The following SCAMP1 variants were observed in gnomAD, a reference collection of about 807,000 sequenced individuals.
SCAMP1 encodes secretory carrier-associated membrane protein 1.
In SCAMP1, 15 loss-of-function variants were observed where a neutral mutation model predicts 41.8. The observed-to-expected ratio is 0.36, with a 90% CI of 0.24 to 0.55. The LOEUF is 0.55. Ranked by LOEUF, SCAMP1 falls within the 20% of genes least tolerant of loss-of-function variation. SCAMP1 has a pLI of 0.86. For synonymous variants in SCAMP1, 135 were observed against 136.8 expected, an observed-to-expected ratio of 0.99 and a Z score of 0.09; for missense variants, 341 against 412.6, an observed-to-expected ratio of 0.83 and a Z score of 1.50.
chr5:78,391,520 C>A, intron 2 of SCAMP1, among the ~76,000 whole-genome samples: 1 of 151,414 alleles, frequency 6.6e-6, no homozygotes, highest in East Asian at 2.0e-4. Context: ...ACTTCCCAGA[C>A]GGGGTGGCTG....
In SCAMP1 at chr5:78,479,372, A is replaced by G. The variant is rs1754079421; in HGVS notation, c.*3704A>G. 6.6e-6 allele frequency among the ~76,000 whole-genome samples: 1 copy of G among 152,244 alleles called. No homozygotes were observed. The highest frequency in any genetic ancestry group is 2.1e-4 in the South Asian group (1 of 4,836). ...ACAATAGTATACATTTATTTAGAGT[A>G]GACTAATGTGTTTAAAACATGAGTT... is the stretch of plus-strand genomic sequence containing the variant. On this transcript the variant is annotated 3_prime_UTR_variant, in exon 9 of 9. Transcript: ENST00000621999.
At chr5:78,437,980 A>T (rs971404262) in intron 6 of SCAMP1, among the ~76,000 whole-genome samples, 11 of 152,168 alleles carry the variant, frequency 7.2e-5, no homozygotes, top group Non-Finnish European at 1.5e-4. Flanking sequence ...TGTTTTTTCT[A>T]GATTTTCCAG....
intron 1 of SCAMP1, among the ~76,000 whole-genome samples, chr5:78,369,950 A>G (rs1459468029): frequency 6.6e-6 from 1 of 152,240 alleles, no homozygotes; most frequent in Admixed American, 6.5e-5. Context: ...AAGCAGTGGA[A>G]TAGCAGTTAT....
intron 7 of SCAMP1, among the ~76,000 whole-genome samples, chr5:78,457,472 G>C (rs1051884704): frequency 2.6e-5 from 4 of 152,022 alleles, no homozygotes; most frequent in Non-Finnish European, 5.9e-5. Flanking sequence ...CCCCTGCTGG[G>C]GGGTGCCTCC....
intron 8 of SCAMP1, among the ~76,000 whole-genome samples, chr5:78,471,717 T>A (rs910215179): frequency 1.3e-5 from 2 of 152,180 alleles, no homozygotes; most frequent in Admixed American, 6.5e-5. Context: ...GCAGGACTCC[T>A]TTATGGAGCC....
chr5:78,445,588 A>G (rs1393202351), intron 6 of SCAMP1, among the ~76,000 whole-genome samples: 1 of 152,068 alleles, frequency 6.6e-6, no homozygotes, highest in Non-Finnish European at 1.5e-5. Flanking sequence ...TCCTGCACGC[A>G]AGACCCACCT....
At chr5:78,390,092 C>T (rs931488106) in intron 2 of SCAMP1, among the ~76,000 whole-genome samples, 1 of 152,004 alleles carries the variant, frequency 6.6e-6, no homozygotes, top group Non-Finnish European at 1.5e-5. Context: ...TGAAATGAGC[C>T]CTTAACCTGT....
intron 7 of SCAMP1, among the ~76,000 whole-genome samples, chr5:78,452,203 C>CT (rs1259927967): frequency 6.7e-6 from 1 of 149,022 alleles, no homozygotes; most frequent in Non-Finnish European, 1.5e-5. Context: ...TTTTATTATA[C>CT]TTTAAGTTTT....
At chr5:78,411,176 A>G (rs1409491941) in intron 2 of SCAMP1, among the ~76,000 whole-genome samples, 1 of 151,968 alleles carries the variant, frequency 6.6e-6, no homozygotes, top group African/African-American at 2.4e-5. Flanking sequence ...CTTTTGTTGC[A>G]TTGCTTTTGT....
intron 8 of SCAMP1, among the ~76,000 whole-genome samples, chr5:78,463,869 C>CTTTT (rs33923232): frequency 7.7e-4 from 116 of 150,102 alleles, no homozygotes; most frequent in African/African-American, 2.7e-3. Context: ...CTTAATGAAG[C>CTTTT]TTTTTTTTTT....
rs565889479 is a variant in SCAMP1, at chr5:78,382,469, C to T, written c.58-6368C>T. On this transcript the variant is annotated intron_variant, in intron 1 of 8. Coordinates refer to ENST00000621999, the MANE Select transcript of SCAMP1 (RefSeq NM_004866.6). ...TTGGGGAACAGGTGGTGTTTGGTTA[C>T]ATGAATAAGTTTCTCACTGGTGATT... Among the ~76,000 whole-genome samples, 4 of 152,182 alleles carry T rather than the reference C, an allele frequency of 2.6e-5. No homozygotes were observed. The South Asian group carries it at 8.3e-4, about 32-fold the overall frequency.
At chr5:78,424,333 T>C (rs1444285229) in intron 6 of SCAMP1, among the ~76,000 whole-genome samples, 1 of 152,234 alleles carries the variant, frequency 6.6e-6, no homozygotes, top group Non-Finnish European at 1.5e-5. Context: ...CAAGGAAAAT[T>C]ATATAGTGAA....
intron 6 of SCAMP1, among the ~76,000 whole-genome samples, chr5:78,426,922 A>G (rs995689872): frequency 1.3e-5 from 2 of 152,224 alleles, no homozygotes; most frequent in African/African-American, 4.8e-5. Flanking sequence ...GTTAAATGGT[A>G]TTCCATTGTA....
At chr5:78,471,434 T>C (rs1018669342) in intron 8 of SCAMP1, among the ~76,000 whole-genome samples, 3 of 152,160 alleles carry the variant, frequency 2.0e-5, no homozygotes, top group African/African-American at 7.2e-5. Flanking sequence ...GTCCATACTT[T>C]TTTAAAAACT....
chr5:78,415,680 TC>T, intron 3 of SCAMP1, 62 bp downstream of exon 3: 1 of 1,043,172 alleles, frequency 9.6e-7, no homozygotes, highest in Non-Finnish European at 1.4e-6. Flanking sequence ...ACATTTGCTT[TC>T]AGAGCAAAAT....
intron 6 of SCAMP1, among the ~76,000 whole-genome samples, chr5:78,428,882 AATT>A (rs2112161248): frequency 6.6e-6 from 1 of 152,150 alleles, no homozygotes; most frequent in African/African-American, 2.4e-5. Context: ...TTTTAGGTGG[AATT>A]ATTTTAATTT....
At chr5:78,410,836 A>G (rs952183498) in intron 2 of SCAMP1, among the ~76,000 whole-genome samples, 10 of 152,102 alleles carry the variant, frequency 6.6e-5, no homozygotes, top group Admixed American at 3.3e-4. Context: ...AATAGTTACC[A>G]TTCTGACTGG....
intron 1 of SCAMP1, among the ~76,000 whole-genome samples, chr5:78,384,978 G>A (rs1019688180): frequency 2.0e-5 from 3 of 152,064 alleles, no homozygotes; most frequent in Admixed American, 6.5e-5. Flanking sequence ...AATGATTTAG[G>A]GGGGGATTCC....
At chr5:78,361,797 G>T (rs1472768157) in intron 1 of SCAMP1, among the ~76,000 whole-genome samples, 1 of 152,152 alleles carries the variant, frequency 6.6e-6, no homozygotes, top group Admixed American at 6.5e-5. Flanking sequence ...TCTAATTTGT[G>T]GTCACACAAG....
Sources: allele counts gnomAD v4.1 joint callset (sites outside exome capture counted in the v4.1 genomes callset), GRCh38; gene constraint gnomAD v4.1.1; transcripts MANE v1.5; gene names NCBI Gene and HGNC (gene_info 2026-07-23, HGNC 2026-07-21).